Variants in SNTB2 observed in about 807,000 individuals in gnomAD.
The protein encoded by SNTB2 is beta-2-syntrophin.
In SNTB2, 34 loss-of-function variants were observed where a neutral mutation model predicts 46.2. That is an observed-to-expected ratio of 0.74 (90% CI 0.56 to 0.98). The LOEUF (loss-of-function observed/expected upper bound fraction) is 0.98, where lower values mean the gene tolerates loss of function less well. Ranked by LOEUF, SNTB2 falls within the 50% of genes least tolerant of loss-of-function variation. The probability of loss-of-function intolerance (pLI) is 0.00; values close to 1 mark genes in which losing one functional copy is unlikely to be tolerated. For synonymous variants in SNTB2, 290 were observed against 312.6 expected (o/e 0.93, Z 0.76); for missense variants, 603 against 731.4 (o/e 0.82, Z 2.02).
At position 69,290,489 on chromosome 16, in the gene SNTB2, A is replaced by G. The variant is rs559709249; in HGVS notation, c.1345+6245A>G. ...AAATCTAGGAGAAGAGAAGAAAAAC[A>G]GGCATTTACAAGGATTTATATTGTT... is the stretch of plus-strand genomic sequence containing the variant. On this transcript the variant is annotated intron_variant, in intron 5 of 6. Transcript: ENST00000336278. 4.6e-5 allele frequency among the ~76,000 whole-genome samples: 7 copies of G among 152,302 alleles called. No individual in the cohort carries two copies. In the South Asian group the frequency reaches 1.2e-3, roughly 27 times the overall value.
At position 69,221,989 on chromosome 16, in the gene SNTB2, T is replaced by C. The variant is rs540937259; in HGVS notation, c.581-23613T>C. Among the ~76,000 whole-genome samples, 32 of 152,336 alleles carry C rather than the reference T, an allele frequency of 2.1e-4. 1 individual carries two copies. In the South Asian group the frequency reaches 6.2e-3, roughly 30 times the overall value. ...CAAAATAGCACAAAGCTTGAGTCTT[T>C]GTTGACACTGCATACTTGACATTTA... is the stretch of plus-strand genomic sequence containing the variant. On this transcript the variant is annotated intron_variant, in intron 1 of 6. Coordinates refer to ENST00000336278, the MANE Select transcript of SNTB2 (RefSeq NM_006750.4).
chr16:69,292,990 G>T (rs1053661928), intron 5 of SNTB2, among the ~76,000 whole-genome samples: 1 of 152,160 alleles, frequency 6.6e-6, no homozygotes, highest in African/African-American at 2.4e-5. Flanking sequence ...GATTGGTGGG[G>T]ATGGTAACAG....
At chr16:69,224,361 G>A (rs1322836983) in intron 1 of SNTB2, among the ~76,000 whole-genome samples, 1 of 151,816 alleles carries the variant, frequency 6.6e-6, no homozygotes, top group Non-Finnish European at 1.5e-5. Flanking sequence ...ACAGGCTCGC[G>A]CCACCACGCC....
At chr16:69,230,531 T>A (rs987762613) in intron 1 of SNTB2, 4 of 151,862 alleles carry the variant, frequency 2.6e-5, no homozygotes, top group African/African-American at 9.7e-5. Flanking sequence ...CTGGCTAAGT[T>A]TTTGTATTTT....
intron 1 of SNTB2, among the ~76,000 whole-genome samples, chr16:69,222,723 A>G (rs1964418652): frequency 6.6e-6 from 1 of 152,198 alleles, no homozygotes; most frequent in Admixed American, 6.6e-5. Flanking sequence ...GATACGTTTT[A>G]TTAGTAATAA....
intron 4 of SNTB2, among the ~76,000 whole-genome samples, chr16:69,282,180 G>T: frequency 6.7e-6 from 1 of 150,008 alleles, no homozygotes; most frequent in Non-Finnish European, 1.5e-5. Flanking sequence ...GCTGGAATTG[G>T]CTGGGCACAG....
chr16:69,307,618 C>T lies in SNTB2; in HGVS notation c.*6694C>T, dbSNP rs1258999009. ...CCCTTAAACTATTTAAGCATTTCATCTGCTGAAAGTCCTTATATACATGGT... is the reference window on the plus strand; with the variant it reads ...CCCTTAAACTATTTAAGCATTTCATTTGCTGAAAGTCCTTATATACATGGT... On this transcript the variant is annotated 3_prime_UTR_variant, in exon 7 of 7. Coordinates refer to ENST00000336278, the MANE Select transcript of SNTB2 (RefSeq NM_006750.4). 1 of 152,020 alleles carries T rather than the reference C, an allele frequency of 6.6e-6. No individual in the cohort carries two copies. Among genetic ancestry groups the T allele is most frequent in the Non-Finnish European group, 1.5e-5 (1 of 68,006 alleles). The allele number at this position is 152,020 out of a possible 1,614,324, so 9.4% of individuals were successfully genotyped here.
chr16:69,289,651 A>C (rs1182683889), intron 5 of SNTB2, among the ~76,000 whole-genome samples: 1 of 152,148 alleles, frequency 6.6e-6, no homozygotes, highest in Non-Finnish European at 1.5e-5. Context: ...TATTAATATA[A>C]AAAAGATTAC....
chr16:69,210,173 C>A (rs1263979457), intron 1 of SNTB2, among the ~76,000 whole-genome samples: 2 of 151,270 alleles, frequency 1.3e-5, no homozygotes, highest in East Asian at 3.9e-4. Flanking sequence ...CAGGTGCACA[C>A]CACCATGCCT....
intron 1 of SNTB2, among the ~76,000 whole-genome samples, chr16:69,240,344 T>G (rs1964598958): frequency 6.6e-6 from 1 of 152,190 alleles, no homozygotes; most frequent in Non-Finnish European, 1.5e-5. Flanking sequence ...TGCAGTCTAC[T>G]CAAACCCCAA....
At chr16:69,233,035 A>G (rs1388187598) in intron 1 of SNTB2, among the ~76,000 whole-genome samples, 1 of 152,200 alleles carries the variant, frequency 6.6e-6, no homozygotes, top group Admixed American at 6.5e-5. Context: ...AGAAGGAAAG[A>G]TGGATAATGA....
At chr16:69,286,608 C>G (rs1965104928) in intron 5 of SNTB2, among the ~76,000 whole-genome samples, 1 of 151,930 alleles carries the variant, frequency 6.6e-6, no homozygotes, top group Admixed American at 6.6e-5. Context: ...TCACCTGAGC[C>G]CAGGAACTCA....
At chr16:69,197,941 A>T (rs1964120149) in intron 1 of SNTB2, among the ~76,000 whole-genome samples, 1 of 152,332 alleles carries the variant, frequency 6.6e-6, no homozygotes, top group East Asian at 1.9e-4. Flanking sequence ...ATTTTTTACA[A>T]TGAACACAAA....
intron 1 of SNTB2, among the ~76,000 whole-genome samples, chr16:69,226,133 G>A (rs568693546): frequency 8.2e-4 from 125 of 152,124 alleles, no homozygotes; most frequent in African/African-American, 2.9e-3. Context: ...GTGCTATGGC[G>A]TGATCTCGGC....
chr16:69,228,970 A>G (rs1003770670), intron 1 of SNTB2, among the ~76,000 whole-genome samples: 1 of 152,184 alleles, frequency 6.6e-6, no homozygotes, highest in African/African-American at 2.4e-5. Flanking sequence ...ATGATTTTAC[A>G]AAAAATATCC....
intron 1 of SNTB2, among the ~76,000 whole-genome samples, chr16:69,220,511 T>C (rs1420114717): frequency 6.6e-6 from 1 of 151,722 alleles, no homozygotes; most frequent in Non-Finnish European, 1.5e-5. Flanking sequence ...CATCCACTCT[T>C]TAGGCGTACA....
At chr16:69,232,196 T>C (rs1180465838) in intron 1 of SNTB2, among the ~76,000 whole-genome samples, 1 of 148,506 alleles carries the variant, frequency 6.7e-6, no homozygotes, top group Non-Finnish European at 1.5e-5. Context: ...AGGCCATAAT[T>C]TTTTCTTTTT....
chr16:69,254,262 C>T lies in SNTB2; in HGVS notation c.795-5788C>T, dbSNP rs981219134. Among the ~76,000 whole-genome samples the T allele has an allele frequency of 3.3e-5, 5 of 152,264 alleles. No homozygotes were observed. In the East Asian group the frequency reaches 7.7e-4, roughly 24 times the overall value. The stretch of plus-strand genomic sequence containing the variant: ...TGCTGACAGGCTTTCAGGCATACCA[C>T]GCAGAGTAAAGCTGCATGCTTTACT... On this transcript the variant is annotated intron_variant, in intron 2 of 6. Coordinates refer to ENST00000336278, the MANE Select transcript of SNTB2 (RefSeq NM_006750.4).
At chr16:69,240,731 TA>T (rs1964603526) in intron 1 of SNTB2, 2 of 152,240 alleles carry the variant, frequency 1.3e-5, no homozygotes, top group Non-Finnish European at 2.9e-5. Flanking sequence ...ACATAACGAT[TA>T]TATGAGAAGT....
Sources: gnomAD v4.1 joint callset for allele counts (sites outside exome capture counted in the v4.1 genomes callset) on GRCh38, gnomAD v4.1.1 for gene constraint, MANE v1.5 for transcripts, NCBI Gene and HGNC (gene_info 2026-07-23, HGNC 2026-07-21) for gene names.